Variants in RYR3 observed in about 807,000 individuals in gnomAD.
RYR3 encodes the protein ryanodine receptor 3, also known as brain ryanodine receptor-calcium release channel.
A neutral mutation model predicts 584.3 loss-of-function variants in RYR3; 207 were observed. That is an observed-to-expected ratio of 0.35 (90% CI 0.32 to 0.40). The LOEUF (loss-of-function observed/expected upper bound fraction) is 0.40. RYR3 is among the 10% of genes least tolerant of loss of function. The pLI is 1.00. For synonymous variants in RYR3, 2,416 were observed against 2,248.5 expected, an observed-to-expected ratio of 1.07 and a Z score of -2.11; for missense variants, 5,616 against 6,089.2, an observed-to-expected ratio of 0.92 and a Z score of 2.59.
intron 3 of RYR3, among the ~76,000 whole-genome samples, chr15:33,519,470 C>T (rs1276666419): frequency 6.6e-6 from 1 of 152,080 alleles, no homozygotes; most frequent in East Asian, 1.9e-4. Flanking sequence ...GAAGTGCTTG[C>T]CGACTGCATG....
chr15:33,462,839 A>G (rs896910557), intron 1 of RYR3, among the ~76,000 whole-genome samples: 3 of 152,094 alleles, frequency 2.0e-5, no homozygotes, highest in Non-Finnish European at 2.9e-5. Context: ...AACATTTATG[A>G]TGGAAATATG....
intron 57 of RYR3, among the ~76,000 whole-genome samples, chr15:33,750,987 T>C (rs1199174572): frequency 6.6e-6 from 1 of 151,918 alleles, no homozygotes; most frequent in Non-Finnish European, 1.5e-5. Flanking sequence ...GTTTTCTGTT[T>C]GGTTTTCAGT....
chr15:33,470,113 T>G (rs1460748284), intron 1 of RYR3, among the ~76,000 whole-genome samples: 1 of 152,170 alleles, frequency 6.6e-6, no homozygotes, highest in African/African-American at 2.4e-5. Context: ...AACCTTTATG[T>G]GATCTTAATG....
chr15:33,576,431 G>C (rs952123856), intron 12 of RYR3, among the ~76,000 whole-genome samples: 2 of 152,174 alleles, frequency 1.3e-5, no homozygotes, highest in African/African-American at 4.8e-5. Context: ...GATCAAGTTG[G>C]CTTCATCCCT....
At chr15:33,860,715 T>G in intron 101 of RYR3, 56 bp downstream of exon 101, 1 of 1,287,492 alleles carries the variant, frequency 7.8e-7, no homozygotes, top group Non-Finnish European at 1.1e-6. Context: ...CAGAAGCAAA[T>G]AGATTTTTTA....
chr15:33,726,280 T>A, intron 45 of RYR3, 106 bp from the exon 46 acceptor site: 1 of 1,227,898 alleles, frequency 8.1e-7, no homozygotes, highest in South Asian at 1.4e-5. Flanking sequence ...AACATAGAAA[T>A]GGACCCCTGC....
At chr15:33,687,959 C>A (rs999493244) in intron 38 of RYR3, among the ~76,000 whole-genome samples, 1 of 152,046 alleles carries the variant, frequency 6.6e-6, no homozygotes, top group Admixed American at 6.5e-5. Context: ...CCATAAAAAC[C>A]GTAGAAGAAA....
At chr15:33,526,793 C>T (rs916332457) in intron 3 of RYR3, among the ~76,000 whole-genome samples, 1 of 152,006 alleles carries the variant, frequency 6.6e-6, no homozygotes, top group Non-Finnish European at 1.5e-5. Context: ...AGCTTATATT[C>T]TAGGGGGAGA....
chr15:33,516,604 G>A (rs892635314), intron 3 of RYR3, among the ~76,000 whole-genome samples: 1 of 152,160 alleles, frequency 6.6e-6, no homozygotes, highest in Non-Finnish European at 1.5e-5. Context: ...CCAAAGTGCT[G>A]TGATTATAGG....
intron 3 of RYR3, among the ~76,000 whole-genome samples, chr15:33,526,771 A>G (rs1317128537): frequency 2.0e-5 from 3 of 152,210 alleles, no homozygotes; most frequent in Admixed American, 1.3e-4. Flanking sequence ...AGAGGATACA[A>G]CATGGTCATG....
chr15:33,470,535 G>A (rs932738836), intron 1 of RYR3, among the ~76,000 whole-genome samples: 10 of 152,150 alleles, frequency 6.6e-5, no homozygotes, highest in Non-Finnish European at 1.3e-4. Flanking sequence ...CTAGGAACTG[G>A]AAGTCTTTAT....
At chr15:33,703,139 A>C (rs576840803) in intron 42 of RYR3, among the ~76,000 whole-genome samples, 1 of 152,292 alleles carries the variant, frequency 6.6e-6, no homozygotes, top group Non-Finnish European at 1.5e-5. Context: ...ATGAGATGAT[A>C]ATTACCCACC....
chr15:33,484,717 C>A (rs1430962606), intron 2 of RYR3, among the ~76,000 whole-genome samples: 1 of 152,032 alleles, frequency 6.6e-6, no homozygotes, highest in Non-Finnish European at 1.5e-5. Context: ...CTGTAACTGG[C>A]TGACATATCA....
At chr15:33,725,109 G>A (rs940542232) in intron 45 of RYR3, among the ~76,000 whole-genome samples, 4 of 149,576 alleles carry the variant, frequency 2.7e-5, no homozygotes, top group East Asian at 2.0e-4. Context: ...CCCCATCTGC[G>A]GTGCCCCATT....
At chr15:33,577,779 AAACT>A (rs1420752086) in intron 12 of RYR3, among the ~76,000 whole-genome samples, 1 of 152,242 alleles carries the variant, frequency 6.6e-6, no homozygotes, top group African/African-American at 2.4e-5. Context: ...GGATCCAATT[AAACT>A]AAAGAGCTTC....
intron 1 of RYR3, among the ~76,000 whole-genome samples, chr15:33,373,343 C>T (rs2040483720): frequency 6.6e-6 from 1 of 152,180 alleles, no homozygotes; most frequent in Admixed American, 6.5e-5. Flanking sequence ...ATTCCTAATT[C>T]ACCTACCAGA....
At chr15:33,715,520 C>A (rs888174261) in intron 43 of RYR3, among the ~76,000 whole-genome samples, 2 of 152,176 alleles carry the variant, frequency 1.3e-5, no homozygotes, top group Non-Finnish European at 2.9e-5. Flanking sequence ...CAGCTGGATT[C>A]TTAACATCTA....
chr15:33,761,500 G>A (rs1233481451), intron 60 of RYR3, among the ~76,000 whole-genome samples: 1 of 152,166 alleles, frequency 6.6e-6, no homozygotes, highest in Middle Eastern at 3.2e-3. Context: ...GAAAAATCTA[G>A]AATAAATGGA....
intron 4 of RYR3, among the ~76,000 whole-genome samples, chr15:33,533,039 C>A (rs1246781757): frequency 6.6e-6 from 1 of 152,138 alleles, no homozygotes; most frequent in East Asian, 1.9e-4. Context: ...ATTGCTTGAG[C>A]CCAGGAGTCT....
Sources: allele counts gnomAD v4.1 joint callset (sites outside exome capture counted in the v4.1 genomes callset), GRCh38; gene constraint gnomAD v4.1.1; transcripts MANE v1.5; gene names NCBI Gene and HGNC (gene_info 2026-07-23, HGNC 2026-07-21).